The following HDAC1 variants were observed in gnomAD, a reference collection of about 807,000 sequenced individuals.
The protein encoded by HDAC1 is protein deacetylase HDAC1.
In HDAC1, 18 loss-of-function variants were observed where a neutral mutation model predicts 65.5. That is an observed-to-expected ratio of 0.27 (90% CI 0.19 to 0.41). The LOEUF (loss-of-function observed/expected upper bound fraction) is 0.41. Ranked by LOEUF, HDAC1 falls within the 10% of genes least tolerant of loss-of-function variation. The pLI is 1.00. For synonymous variants in HDAC1, 211 were observed against 227.9 expected, an observed-to-expected ratio of 0.93 and a Z score of 0.67; for missense variants, 373 against 625.2, an observed-to-expected ratio of 0.60 and a Z score of 4.30.
intron 1 of HDAC1, among the ~76,000 whole-genome samples, chr1:32,298,275 A>T (rs897094652): frequency 6.7e-6 from 1 of 149,564 alleles, no homozygotes; most frequent in African/African-American, 2.5e-5. Flanking sequence ...TTTAGTAGAG[A>T]CGGGGTTTCT....
At chr1:32,322,016 C>G (rs1270408974) in intron 3 of HDAC1, among the ~76,000 whole-genome samples, 3 of 152,188 alleles carry the variant, frequency 2.0e-5, no homozygotes, top group Non-Finnish European at 4.4e-5. Flanking sequence ...CGGATCTTGG[C>G]ACCCTCCAAG....
chr1:32,292,163 G>A lies in HDAC1; in HGVS notation c.-7G>A, dbSNP rs914381469. The A allele has an allele frequency of 6.5e-7, 1 of 1,548,384 alleles. No homozygotes were observed. The highest frequency in any genetic ancestry group is 2.4e-5 in the East Asian group (1 of 40,886). ...CCGACTGACGGTAGGGACGGGAGGC[G>A]AGCAAGATGGCGCAGACGCAGGGCA... On this transcript the variant is annotated 5_prime_UTR_variant, in exon 1 of 14. Transcript: ENST00000373548.
chr1:32,299,237 A>G (rs1314074700), intron 1 of HDAC1, among the ~76,000 whole-genome samples: 1 of 152,028 alleles, frequency 6.6e-6, no homozygotes, highest in Non-Finnish European at 1.5e-5. Context: ...GTCAATGTGT[A>G]TAGGAATACA....
chr1:32,302,500 T>A, intron 1 of HDAC1, 121 bp from the exon 2 acceptor site: 2 of 520,778 alleles, frequency 3.8e-6, no homozygotes, highest in Non-Finnish European at 7.2e-6. Context: ...TGGGAGAGAA[T>A]CTTGGAAACT....
rs145283867 is a variant in HDAC1 at position 32,306,015 on chromosome 1, C to G, written c.162+3282C>G. On this transcript the variant is annotated intron_variant, in intron 2 of 13. Transcript: ENST00000373548. ...ATATGTGTGTGTCTGGTTTTGGGCT[C>G]TCTGTTCGGTTGACTTGGTCTGTTT... Among the ~76,000 whole-genome samples the G allele has an allele frequency of 4.0e-3, 614 of 152,186 alleles. 3 individuals carry two copies. The highest frequency in any genetic ancestry group is 0.014 in the African/African-American group (576 of 41,528).
intron 2 of HDAC1, among the ~76,000 whole-genome samples, chr1:32,303,337 G>A (rs148918932): frequency 7.4e-4 from 112 of 152,256 alleles, no homozygotes; most frequent in African/African-American, 2.6e-3. Flanking sequence ...CATGCCTGTA[G>A]TCCCGGCTAC....
chr1:32,327,786 A>C lies in HDAC1; in HGVS notation c.636+109A>C. 1 of 882,578 alleles carries C rather than the reference A, an allele frequency of 1.1e-6. No individual in the cohort carries two copies. The highest frequency in any genetic ancestry group is 2.6e-5 in the East Asian group (1 of 38,938). 54.7% of individuals were successfully genotyped at this position (882,578 alleles called of 1,614,324 possible). A position where few individuals can be genotyped will look rare whatever the true frequency, so the allele number is the denominator to read the frequency against. ...GCTTCTTGCCTCTTCTGCCAATCAG[A>C]ATACCACATCCCAATCTGAAGCACT... is the stretch of plus-strand genomic sequence containing the variant. On this transcript the variant is annotated intron_variant, in intron 6 of 13. Coordinates refer to ENST00000373548, the MANE Select transcript of HDAC1 (RefSeq NM_004964.3). This position sits in a 1 kb window ranked among gnomAD's most constrained non-coding sequence, Gnocchi z 6.0.
At chr1:32,302,976 A>G (rs1640869578) in intron 2 of HDAC1, among the ~76,000 whole-genome samples, 1 of 152,186 alleles carries the variant, frequency 6.6e-6, no homozygotes, top group Non-Finnish European at 1.5e-5. Context: ...GTTCTAGGCC[A>G]GCCTGGGCAA....
chr1:32,331,403 G>A lies in HDAC1; in HGVS notation c.980-71G>A. On this transcript the variant is annotated intron_variant, in intron 9 of 13. Transcript: ENST00000373548. This position sits in a 1 kb window ranked among gnomAD's most constrained non-coding sequence, Gnocchi z 4.2. ...CCAGAGAAACCTACAAATGCTTTAG[G>A]GTGCTTACGTGCAAATGGTTAGGGT... The A allele has an allele frequency of 3.5e-6, 3 of 852,146 alleles. No individual in the cohort carries two copies. The highest frequency in any genetic ancestry group is 6.1e-6 in the Non-Finnish European group (3 of 494,692). 52.8% of individuals were successfully genotyped at this position (852,146 alleles called of 1,614,324 possible).
At chr1:32,294,816 A>G (rs1292300448) in intron 1 of HDAC1, among the ~76,000 whole-genome samples, 1 of 146,902 alleles carries the variant, frequency 6.8e-6, no homozygotes, top group African/African-American at 2.5e-5. Context: ...ACCCGGCCCC[A>G]ACTTTTTTTT....
Position 32,327,299 on chromosome 1 carries a change from G to A in HDAC1, c.494+222G>A, listed in dbSNP as rs1641232467. The A allele has an allele frequency of 4.9e-6, 3 of 617,374 alleles. No homozygotes were observed. The highest frequency in any genetic ancestry group is 1.9e-5 in the South Asian group (1 of 51,328). The allele number at this position is 617,374 out of a possible 1,614,324, so 38.2% of individuals were successfully genotyped here. A position where few individuals can be genotyped will look rare whatever the true frequency, so the allele number is the denominator to read the frequency against. ...GCTGCTCAGATCCTGCCTCCAGAGT[G>A]TCCCTGTGTGGCTGGAGTTGACCCT... On this transcript the variant is annotated intron_variant, in intron 5 of 13. Coordinates refer to ENST00000373548, the MANE Select transcript of HDAC1 (RefSeq NM_004964.3). This position sits in a 1 kb window ranked among gnomAD's most constrained non-coding sequence, Gnocchi z 6.0.
At chr1:32,300,968 A>T (rs571915013) in intron 1 of HDAC1, among the ~76,000 whole-genome samples, 3 of 152,156 alleles carry the variant, frequency 2.0e-5, no homozygotes, top group Non-Finnish European at 4.4e-5. Flanking sequence ...GTTCCAATAA[A>T]ATTTTATTTA....
At position 32,292,097 on chromosome 1, in the gene HDAC1, G is replaced by A; in HGVS notation, c.-73G>A. On this transcript the variant is annotated 5_prime_UTR_variant, in exon 1 of 14. Coordinates refer to ENST00000373548, the MANE Select transcript of HDAC1 (RefSeq NM_004964.3). ...CGGAGGCCCGCCCCCTCCCCCCTGG[G>A]TCGGACGCTGAGCGGAGCCGCGGGC... The A allele has an allele frequency of 6.9e-7, 1 of 1,456,678 alleles. No homozygotes were observed. Among genetic ancestry groups the A allele is most frequent in the Non-Finnish European group, 9.4e-7 (1 of 1,066,212 alleles). 90.2% of individuals were successfully genotyped at this position (1,456,678 alleles called of 1,614,324 possible).
At position 32,332,755 on chromosome 1, in the gene HDAC1, G is replaced by A; in HGVS notation, c.1421+6G>A. ...GAGAAGCCAGAAGCCAAAGGGTGAG[G>A]AAGGAGCTGCCTGTGGCCATCTCCC... On this transcript the variant is annotated splice_donor_region_variant and intron_variant, in intron 13 of 13. Transcript: ENST00000373548. 1 of 1,553,126 alleles carries A rather than the reference G, an allele frequency of 6.4e-7. No homozygotes were observed. Among genetic ancestry groups the A allele is most frequent in the South Asian group, 1.2e-5 (1 of 84,160 alleles).
chr1:32,333,226 G>A lies in HDAC1; in HGVS notation c.*182G>A. 2 of 484,602 alleles carry A rather than the reference G, an allele frequency of 4.1e-6. No individual in the cohort carries two copies. The highest frequency in any genetic ancestry group is 3.3e-5 in the East Asian group (1 of 30,020). 30.0% of individuals were successfully genotyped at this position (484,602 alleles called of 1,614,324 possible). ...CTGTGCTGGGTGAGCTCTTCCAGGA[G>A]CCACCTTGCCACCCATTCTTCCCGT... On this transcript the variant is annotated 3_prime_UTR_variant, in exon 14 of 14. Transcript: ENST00000373548.
At chr1:32,293,571 C>G (rs1297114124) in intron 1 of HDAC1, among the ~76,000 whole-genome samples, 1 of 151,788 alleles carries the variant, frequency 6.6e-6, no homozygotes, top group African/African-American at 2.4e-5. Context: ...AGTTCAGGAC[C>G]AGCCTGGCCA....
At chr1:32,305,908 C>T (rs1640904593) in intron 2 of HDAC1, among the ~76,000 whole-genome samples, 1 of 152,148 alleles carries the variant, frequency 6.6e-6, no homozygotes, top group Non-Finnish European at 1.5e-5. Flanking sequence ...CAGTGCCTGA[C>T]CCATTTCTTT....
rs780610750 is a variant in HDAC1 at position 32,327,551 on chromosome 1, G to A, written c.510G>A (p.Val170=). 1.2e-6 allele frequency: 2 copies of A among 1,613,384 alleles called. No individual in the cohort carries two copies. The highest frequency in any genetic ancestry group is 1.3e-5 in the African/African-American group (1 of 74,996). ...CTGATCCTAGGTATCACCAGAGGGT[G>A]CTGTACATTGACATTGATATTCACC... ...ILELLKYHQR[V]LYIDIDIHHG... is the part of the protein sequence containing the mutation. The change falls in exon 6 of 14, where the codon GTG becomes GTA. Residue 170 remains valine (V), a synonymous_variant. Transcript: ENST00000373548. The surrounding 1 kb of genome is among the most constrained non-coding windows in gnomAD (Gnocchi z 6.0).
intron 2 of HDAC1, among the ~76,000 whole-genome samples, chr1:32,306,793 T>C (rs1225854393): frequency 6.6e-6 from 1 of 152,158 alleles, no homozygotes; most frequent in Non-Finnish European, 1.5e-5. Context: ...AGTAGATTCC[T>C]GAAACCATGG....
Sources: gnomAD v4.1 joint callset for allele counts (sites outside exome capture counted in the v4.1 genomes callset) on GRCh38, gnomAD v4.1.1 for gene constraint, Gnocchi (gnomAD v3.1) non-coding constraint, MANE v1.5 for transcripts, NCBI Gene and HGNC (gene_info 2026-07-23, HGNC 2026-07-21) for gene names.